CDC14B: variants seen among roughly 807,000 people sequenced by gnomAD.
CDC14B encodes the protein cell division cycle 14B.
In CDC14B, 22 loss-of-function variants were observed where a neutral mutation model predicts 64.2. The observed-to-expected ratio is 0.34, with a 90% CI of 0.24 to 0.49. The LOEUF is 0.49. Among genes scored for constraint, CDC14B ranks in the 20% least tolerant of loss-of-function variants. The pLI is 0.99. For missense variants in CDC14B, 498 were observed against 629.9 expected (o/e 0.79, Z 2.24); for synonymous variants, 191 against 215.8 (o/e 0.89, Z 1.01).
intron 1 of CDC14B, among the ~76,000 whole-genome samples, chr9:96,574,325 G>T (rs1249747535): frequency 6.6e-6 from 1 of 152,052 alleles, no homozygotes; most frequent in African/African-American, 2.4e-5. Context: ...AATGGGAGAA[G>T]AATATTCAAT....
chr9:96,611,506 C>T (rs775224012), intron 1 of CDC14B, among the ~76,000 whole-genome samples: 1 of 152,102 alleles, frequency 6.6e-6, no homozygotes, highest in African/African-American at 2.4e-5. Context: ...CTTACAGATC[C>T]TTATAACAAT....
Position 96,560,580 on chromosome 9 carries a change from TTC to T in CDC14B, c.420+2111_420+2112del, listed in dbSNP as rs765571511. 2.0e-4 allele frequency among the ~76,000 whole-genome samples: 29 copies of T among 145,496 alleles called. 7 individuals are homozygous for T. The highest frequency in any genetic ancestry group is 4.7e-4 in the Admixed American group (7 of 14,810). ...TGGGTTCATACATAGACTTTTCTCT[TTC>T]TCTTTTTTTTTTTTTTTTTGAGACG... On this transcript the variant is annotated intron_variant, in intron 4 of 13. Transcript: ENST00000375241.
intron 1 of CDC14B, among the ~76,000 whole-genome samples, chr9:96,613,429 G>A (rs1847441012): frequency 6.6e-6 from 1 of 152,198 alleles, no homozygotes; most frequent in Admixed American, 6.5e-5. Context: ...TACCATTTCT[G>A]CAACACAATT....
At chr9:96,577,891 C>T (rs1844905642) in intron 1 of CDC14B, among the ~76,000 whole-genome samples, 1 of 152,148 alleles carries the variant, frequency 6.6e-6, no homozygotes, top group Admixed American at 6.5e-5. Flanking sequence ...CAAATGGGAA[C>T]TTACTTACAA....
At chr9:96,577,328 C>A (rs1588020507) in intron 1 of CDC14B, among the ~76,000 whole-genome samples, 3 of 151,840 alleles carry the variant, frequency 2.0e-5, no homozygotes, top group Non-Finnish European at 4.4e-5. Flanking sequence ...ACTTAAAACC[C>A]ATTTCTAAAT....
intron 4 of CDC14B, among the ~76,000 whole-genome samples, chr9:96,552,941 TA>T (rs887555056): frequency 1.3e-5 from 2 of 152,156 alleles, no homozygotes; most frequent in African/African-American, 2.4e-5. Context: ...AAGAAATCAC[TA>T]AAAAAAGTTA....
intron 9 of CDC14B, among the ~76,000 whole-genome samples, chr9:96,529,490 C>CT (rs56239842): frequency 0.026 from 3,450 of 131,016 alleles, 135 homozygotes; most frequent in African/African-American, 0.072. Context: ...TGTACTAAGC[C>CT]TTTTTTTTTT....
chr9:96,570,536 C>A (rs1268883185), intron 1 of CDC14B, among the ~76,000 whole-genome samples: 7 of 152,210 alleles, frequency 4.6e-5, no homozygotes, highest in Non-Finnish European at 8.8e-5. Context: ...AGAGAACAGG[C>A]TCCACCTGAA....
intron 3 of CDC14B, among the ~76,000 whole-genome samples, chr9:96,563,493 A>G (rs1843491928): frequency 6.6e-6 from 1 of 152,098 alleles, no homozygotes; most frequent in African/African-American, 2.4e-5. Flanking sequence ...TCTACTAAAA[A>G]TACAAAACTA....
intron 1 of CDC14B, among the ~76,000 whole-genome samples, chr9:96,586,823 C>T (rs1238076595): frequency 1.3e-5 from 2 of 152,014 alleles, no homozygotes; most frequent in African/African-American, 4.8e-5. Flanking sequence ...AGATTATCTG[C>T]CATTCCCTAT....
intron 7 of CDC14B, among the ~76,000 whole-genome samples, chr9:96,534,763 T>C (rs935795890): frequency 6.6e-6 from 1 of 152,232 alleles, no homozygotes; most frequent in Admixed American, 6.5e-5. Flanking sequence ...CAGTGTTTCA[T>C]TGCTAGGGTA....
chr9:96,541,805 T>C, intron 6 of CDC14B, 21 bp downstream of exon 6: 5 of 1,563,262 alleles, frequency 3.2e-6, no homozygotes, highest in East Asian at 2.3e-5. Flanking sequence ...CAACACTGGG[T>C]GCATCCTACA....
intron 1 of CDC14B, among the ~76,000 whole-genome samples, chr9:96,608,704 T>C: frequency 6.6e-6 from 1 of 152,200 alleles, no homozygotes; most frequent in Admixed American, 6.5e-5. Flanking sequence ...AATCTTATTT[T>C]AAATTATATC....
At chr9:96,548,489 CACACACATACAT>C (rs774327255) in intron 5 of CDC14B, among the ~76,000 whole-genome samples, 27 of 152,008 alleles carry the variant, frequency 1.8e-4, no homozygotes, top group Non-Finnish European at 3.1e-4. Flanking sequence ...CACACATACA[CACACACATACAT>C]ACACACACAC....
chr9:96,601,281 G>A (rs1296019907), intron 1 of CDC14B, among the ~76,000 whole-genome samples: 4 of 152,098 alleles, frequency 2.6e-5, no homozygotes, highest in African/African-American at 9.7e-5. Flanking sequence ...GGCGGATCAT[G>A]AGGTCAAGAG....
intron 5 of CDC14B, among the ~76,000 whole-genome samples, chr9:96,544,171 C>T (rs967271972): frequency 4.7e-4 from 71 of 151,890 alleles, no homozygotes; most frequent in Admixed American, 1.2e-3. Context: ...GAGCCAAGAT[C>T]GCACGCCACT....
chr9:96,523,602 T>C lies in CDC14B; in HGVS notation c.1070A>G (p.Gln357Arg), dbSNP rs775648462. Reference sequence around the variant, plus strand: ...TACTACTTACATCACCAAAAACTGCTGCTGAGGCCCAATCACCGAGCCAGG... The same window carrying C: ...TACTACTTACATCACCAAAAACTGCCGCTGAGGCCCAATCACCGAGCCAGG... Reference protein sequence around the residue: ...CRPGSVIGPQQQFLVMKQTNL... With the variant: ...CRPGSVIGPQRQFLVMKQTNL... Residue 357 changes from glutamine to arginine, a missense_variant, in exon 10 of 14, where the codon CAG becomes CGG. Coordinates refer to ENST00000375241, the MANE Select transcript of CDC14B (RefSeq NM_033331.4). 1 of 1,614,166 alleles carries C rather than the reference T, an allele frequency of 6.2e-7. No homozygotes were observed. Among genetic ancestry groups the C allele is most frequent in the East Asian group, 2.2e-5 (1 of 44,882 alleles).
chr9:96,591,702 C>T (rs1204137022), intron 1 of CDC14B, among the ~76,000 whole-genome samples: 1 of 152,080 alleles, frequency 6.6e-6, no homozygotes, highest in African/African-American at 2.4e-5. Flanking sequence ...ATTAAGTCTT[C>T]CGATTCACAA....
intron 1 of CDC14B, among the ~76,000 whole-genome samples, chr9:96,613,871 T>C (rs1039112633): frequency 6.6e-6 from 1 of 152,366 alleles, no homozygotes; most frequent in Admixed American, 6.5e-5. Context: ...GCATGACTAT[T>C]TTACATAGTA....
Sources: gnomAD v4.1 joint callset for allele counts (sites outside exome capture counted in the v4.1 genomes callset) on GRCh38, gnomAD v4.1.1 for gene constraint, MANE v1.5 for transcripts, NCBI Gene and HGNC (gene_info 2026-07-23, HGNC 2026-07-21) for gene names.